Variants in SYNE1 observed in about 807,000 individuals in gnomAD.
The protein encoded by SYNE1 is nesprin-1.
In SYNE1, 616 loss-of-function variants were observed where a neutral mutation model predicts 1,111.0. The observed-to-expected ratio is 0.55, with a 90% CI of 0.52 to 0.59. The LOEUF is 0.59. SYNE1 is among the 20% of genes least tolerant of loss of function. The pLI, the probability that SYNE1 is intolerant of heterozygous loss-of-function variation, is 0.00. For missense variants in SYNE1, 10,006 were observed against 10,417.0 expected (o/e 0.96, Z 1.72); for synonymous variants, 3,855 against 3,825.8 (o/e 1.01, Z -0.28).
Position 152,148,236 on chromosome 6 carries a change from G to A in SYNE1, c.24785C>T (p.Ala8262Val). The change falls in exon 137 of 146, where the codon GCT (alanine) becomes GTT (valine). Residue 8262 changes from alanine to valine, a missense_variant. Around this residue, in one of 7 missense-constraint regions of SYNE1, gnomAD observed 761 missense variants for 795.5 expected, o/e 0.96. Transcript: ENST00000367255. This position sits in a 1 kb window ranked among gnomAD's most constrained non-coding sequence, Gnocchi z 4.1. Reference protein sequence around the residue: ...QPSSNLSLSLAQPLRSERSGR... With the variant: ...QPSSNLSLSLVQPLRSERSGR... ...TGACCGCTCGCTCCGGAGGGGCTGA[G>A]CGAGCGAGAGGGAGAGATTGGAGGA... The A allele has an allele frequency of 6.2e-7, 1 of 1,613,992 alleles. No individual in the cohort carries two copies. The highest frequency in any genetic ancestry group is 8.5e-7 in the Non-Finnish European group (1 of 1,179,908).
intron 3 of SYNE1, among the ~76,000 whole-genome samples, chr6:152,602,003 G>A (rs2128654660): frequency 6.6e-6 from 1 of 152,130 alleles, no homozygotes; most frequent in African/African-American, 2.4e-5. Context: ...CAGTGCCTGT[G>A]CTCCTTTGAT....
chr6:152,154,445 TACACACACAC>T (rs56398921), intron 133 of SYNE1, among the ~76,000 whole-genome samples: 4,934 of 143,262 alleles, frequency 0.034, 100 homozygotes, highest in Middle Eastern at 0.068. Context: ...TTTTATCAAA[TACACACACAC>T]ACACACACAC....
intron 74 of SYNE1, among the ~76,000 whole-genome samples, chr6:152,340,035 T>C (rs9478318): frequency 0.46 from 70,111 of 152,040 alleles, 16,223 homozygotes; most frequent in East Asian, 0.56. Flanking sequence ...ATAAATAATA[T>C]ATAAATAAAC....
intron 3 of SYNE1, among the ~76,000 whole-genome samples, chr6:152,556,090 G>T (rs2099364121): frequency 6.6e-6 from 1 of 152,158 alleles, no homozygotes; most frequent in Non-Finnish European, 1.5e-5. Flanking sequence ...TGAAAACAAA[G>T]TGATATCAGC....
chr6:152,376,868 A>G lies in SYNE1; in HGVS notation c.9054T>C (p.Asp3018=), dbSNP rs987365380. The change falls in exon 57 of 146, where the codon GAT becomes GAC. Residue 3018 remains aspartate (D), a synonymous_variant. Coordinates refer to ENST00000367255, the MANE Select transcript of SYNE1 (RefSeq NM_182961.4). ...AAAGTTCATTCAGCTGAGACTTGAG[A>G]TCCTCTGTTCTAGGCTCTGCTTTTT... is the stretch of plus-strand genomic sequence containing the variant. ...ALQKAEPRTE[D]LKSQLNELCR... The G allele has an allele frequency of 6.2e-7, 1 of 1,614,080 alleles. No individual in the cohort carries two copies. Among genetic ancestry groups the G allele is most frequent in the Non-Finnish European group, 8.5e-7 (1 of 1,180,000 alleles).
chr6:152,138,556 TA>T (rs777318473), intron 140 of SYNE1, among the ~76,000 whole-genome samples: 4 of 137,454 alleles, frequency 2.9e-5, no homozygotes, highest in African/African-American at 8.2e-5. Context: ...AATAAATAAA[TA>T]AAATAAAACA....
chr6:152,566,859 T>G (rs1165038233), intron 3 of SYNE1, among the ~76,000 whole-genome samples: 1 of 152,208 alleles, frequency 6.6e-6, no homozygotes, highest in African/African-American at 2.4e-5. Flanking sequence ...CTTTTGTTTT[T>G]CAACATATGA....
chr6:152,155,495 A>T (rs929655297), intron 132 of SYNE1: 42 of 319,462 alleles, frequency 1.3e-4, no homozygotes, highest in African/African-American at 8.7e-4. Flanking sequence ...ACAGTTTACC[A>T]GAGAGCACAG....
intron 34 of SYNE1, 62 bp from the exon 35 acceptor site, chr6:152,430,771 T>C (rs936949255): frequency 1.8e-5 from 25 of 1,409,484 alleles, no homozygotes; most frequent in Admixed American, 3.4e-5. Flanking sequence ...CCTGAAATGA[T>C]ACAATTATCT....
In SYNE1 at chr6:152,284,174, T is replaced by C. The variant is rs1409706617; in HGVS notation, c.18013-2A>G. ...CATGAGAATCTCATCCATCAATGCCTGGAGGAAAGACTGTGGAATCACACT... is the reference window on the plus strand; with the variant it reads ...CATGAGAATCTCATCCATCAATGCCCGGAGGAAAGACTGTGGAATCACACT... On this transcript the variant is annotated splice_acceptor_variant, in intron 95 of 145. Coordinates refer to ENST00000367255, the MANE Select transcript of SYNE1 (RefSeq NM_182961.4). LOFTEE classifies it high-confidence loss of function. 1.2e-6 allele frequency: 2 copies of C among 1,614,056 alleles called. No individual in the cohort carries two copies. The highest frequency in any genetic ancestry group is 8.5e-7 in the Non-Finnish European group (1 of 1,180,006).
chr6:152,513,205 G>T (rs1030343263), intron 6 of SYNE1, among the ~76,000 whole-genome samples: 2 of 152,142 alleles, frequency 1.3e-5, no homozygotes, highest in Non-Finnish European at 2.9e-5. Flanking sequence ...TAAGACAGAG[G>T]CTTGAATGGA....
chr6:152,172,999 AT>A (rs1271441718), intron 130 of SYNE1, among the ~76,000 whole-genome samples: 1 of 152,234 alleles, frequency 6.6e-6, no homozygotes, highest in Non-Finnish European at 1.5e-5. Flanking sequence ...TTAAATAGCC[AT>A]CCGTAGCTAG....
chr6:152,201,774 T>A, intron 127 of SYNE1, 50 bp downstream of exon 127: 1 of 1,613,626 alleles, frequency 6.2e-7, no homozygotes, highest in Non-Finnish European at 8.5e-7. Context: ...CCAAAGACAT[T>A]CCAGCAGAGG....
chr6:152,312,965 A>C (rs939598963), intron 87 of SYNE1, among the ~76,000 whole-genome samples: 1 of 152,190 alleles, frequency 6.6e-6, no homozygotes, highest in African/African-American at 2.4e-5. Context: ...CAAGTTTATT[A>C]AGAAAGTAAA....
chr6:152,387,430 T>G, intron 53 of SYNE1, 49 bp from the exon 54 acceptor site: 2 of 1,577,890 alleles, frequency 1.3e-6, no homozygotes, highest in Non-Finnish European at 1.7e-6. Context: ...TTGACATCTC[T>G]ACTGAAAACC....
chr6:152,478,851 G>A (rs1177784969), intron 14 of SYNE1, among the ~76,000 whole-genome samples: 1 of 152,120 alleles, frequency 6.6e-6, no homozygotes, highest in Non-Finnish European at 1.5e-5. Context: ...ACATGTGTGT[G>A]GGCATGAACT....
chr6:152,566,866 A>G (rs1456477063), intron 3 of SYNE1, among the ~76,000 whole-genome samples: 1 of 152,178 alleles, frequency 6.6e-6, no homozygotes, highest in Non-Finnish European at 1.5e-5. Context: ...TTTTCAACAT[A>G]TGATTTTAAA....
chr6:152,341,705 G>C lies in SYNE1; in HGVS notation c.12226-2339C>G, dbSNP rs191089090. Among the ~76,000 whole-genome samples the C allele has an allele frequency of 7.4e-3, 1,124 of 152,278 alleles. 4 individuals carry two copies. Among genetic ancestry groups the C allele is most frequent in the Non-Finnish European group, 0.011 (763 of 68,024 alleles). On this transcript the variant is annotated intron_variant, in intron 74 of 145. Coordinates refer to ENST00000367255, the MANE Select transcript of SYNE1 (RefSeq NM_182961.4). ...AAGCTCACCAGCCACTAAGGGCCTG[G>C]TCAATTTTACATGAACACAGTAAGT...
chr6:152,459,179 C>A (rs569312981), intron 21 of SYNE1, among the ~76,000 whole-genome samples: 14 of 152,052 alleles, frequency 9.2e-5, no homozygotes, highest in African/African-American at 3.1e-4. Context: ...CTAAATCGTC[C>A]ATCTGGATAG....
Sources: gnomAD v4.1 joint callset for allele counts (sites outside exome capture counted in the v4.1 genomes callset) on GRCh38, gnomAD v4.1.1 for gene constraint, gnomAD v4.1.1 regional missense constraint, Gnocchi (gnomAD v3.1) non-coding constraint, MANE v1.5 for transcripts, NCBI Gene and HGNC (gene_info 2026-07-23, HGNC 2026-07-21) for gene names.